The following ANK2 variants were observed in gnomAD, a reference collection of about 807,000 sequenced individuals.
ANK2 encodes ankyrin-2.
A neutral mutation model predicts 360.5 loss-of-function variants in ANK2; 83 were observed. That is an observed-to-expected ratio of 0.23 (90% CI 0.19 to 0.28). The LOEUF (loss-of-function observed/expected upper bound fraction) is 0.28, where lower values mean the gene tolerates loss of function less well. Among genes scored for constraint, ANK2 ranks in the 10% least tolerant of loss-of-function variants. ANK2 has a pLI of 1.00. For synonymous variants in ANK2, 1,740 were observed against 1,759.5 expected (o/e 0.99, Z 0.28); for missense variants, 4,201 against 4,795.7 (o/e 0.88, Z 3.66).
Position 113,162,093 on chromosome 4 carries a change from A to G in ANK2, c.85-12323A>G, listed in dbSNP as rs558623832. 2.0e-5 allele frequency among the ~76,000 whole-genome samples: 3 copies of G among 152,338 alleles called. No individual in the cohort carries two copies. The East Asian group carries it at 5.8e-4, about 29-fold the overall frequency. ...CAATTTTAGGGTATTCTGTTCCCCT[A>G]AATTATTGATCTTTATTGAAAGTGT... On this transcript the variant is annotated intron_variant, in intron 1 of 45. Coordinates refer to ENST00000357077, the MANE Select transcript of ANK2 (RefSeq NM_001148.6).
At chr4:112,946,944 A>C (rs540403488) in intron 2 of ANK2, among the ~76,000 whole-genome samples, 4 of 152,356 alleles carry the variant, frequency 2.6e-5, no homozygotes, top group African/African-American at 9.6e-5. Context: ...GAAGAATAAC[A>C]GCTTTTCTTA....
chr4:113,120,562 T>C (rs1245973953), intron 1 of ANK2, among the ~76,000 whole-genome samples: 1 of 152,124 alleles, frequency 6.6e-6, no homozygotes, highest in East Asian at 1.9e-4. Flanking sequence ...GTAAACAAAT[T>C]TATTCTTGAA....
upstream of ANK2, among the ~76,000 whole-genome samples, chr4:112,815,479 G>C (rs973406461): frequency 6.6e-6 from 1 of 152,158 alleles, no homozygotes; most frequent in Non-Finnish European, 1.5e-5. Context: ...ATAATGAGGA[G>C]AGATTAGCAT....
rs148505493 is a variant in ANK2, at chr4:113,202,643, A to G, written c.384+3534A>G. ...AATTAAGAAGATAACAAATTTTCTG[A>G]AAAAACCTTCAAGGAATATATTCAG... On this transcript the variant is annotated intron_variant, in intron 4 of 45. Transcript: ENST00000357077. 6.9e-3 allele frequency among the ~76,000 whole-genome samples: 1,048 copies of G among 152,368 alleles called. 7 individuals carry two copies. Among genetic ancestry groups the G allele is most frequent in the Admixed American group, 9.0e-3 (138 of 15,312 alleles).
chr4:113,204,773 C>T (rs945176713), intron 4 of ANK2, among the ~76,000 whole-genome samples: 2 of 152,128 alleles, frequency 1.3e-5, no homozygotes, highest in Non-Finnish European at 2.9e-5. Flanking sequence ...AAGTCCAAAA[C>T]CCTGCTTGCC....
intron 2 of ANK2, among the ~76,000 whole-genome samples, chr4:112,999,726 A>G (rs1376738673): frequency 6.6e-6 from 1 of 151,566 alleles, no homozygotes; most frequent in East Asian, 1.9e-4. Flanking sequence ...TTCCAATCAT[A>G]GAGGAAAGGT....
At chr4:113,236,605 G>C (rs950529742) in intron 5 of ANK2, among the ~76,000 whole-genome samples, 3 of 152,096 alleles carry the variant, frequency 2.0e-5, no homozygotes, top group African/African-American at 7.2e-5. Flanking sequence ...CCATATCTTT[G>C]ATTCCCAGTC....
At chr4:112,718,409 G>C in the ANK2 span, among the ~76,000 whole-genome samples, 1 of 152,230 alleles carries the variant, frequency 6.6e-6, no homozygotes, top group African/African-American at 2.4e-5. Flanking sequence ...CTGCCTCCCA[G>C]GTTCAAGCAA....
the ANK2 span, among the ~76,000 whole-genome samples, chr4:112,774,488 G>A: frequency 6.6e-6 from 1 of 152,084 alleles, no homozygotes; most frequent in Non-Finnish European, 1.5e-5. Flanking sequence ...ATCGCGCCAC[G>A]GCACCTCCAG....
the ANK2 span, among the ~76,000 whole-genome samples, chr4:112,727,594 C>T: frequency 1.7e-3 from 252 of 151,936 alleles, no homozygotes; most frequent in Middle Eastern, 3.4e-3. Flanking sequence ...AATCTACAAA[C>T]CTTTAGTGAG....
chr4:112,953,931 TTC>T (rs2095190697), intron 2 of ANK2, among the ~76,000 whole-genome samples: 1 of 152,110 alleles, frequency 6.6e-6, no homozygotes, highest in Non-Finnish European at 1.5e-5. Context: ...TATTTATTTC[TTC>T]TCTGTCTCCC....
At chr4:112,951,081 C>CA (rs1184265938) in intron 2 of ANK2, among the ~76,000 whole-genome samples, 16,991 of 55,364 alleles carry the variant, frequency 0.31, 2,643 homozygotes, top group East Asian at 0.43. Flanking sequence ...GCCTCCGTCT[C>CA]AAAAAAAAAA....
chr4:113,129,114 T>C (rs889203174), intron 1 of ANK2, among the ~76,000 whole-genome samples: 10 of 152,010 alleles, frequency 6.6e-5, no homozygotes, highest in African/African-American at 1.7e-4. Flanking sequence ...TAATAACTCA[T>C]AGAATAAAAG....
At chr4:113,054,058 T>C (rs1255263448) in intron 1 of ANK2, among the ~76,000 whole-genome samples, 3 of 152,194 alleles carry the variant, frequency 2.0e-5, no homozygotes, top group Non-Finnish European at 4.4e-5. Flanking sequence ...GAAATGGGAA[T>C]GCCCAAGCAT....
In ANK2 at chr4:113,239,732, T is replaced by C. The variant is rs530759318; in HGVS notation, c.694-753T>C. Among the ~76,000 whole-genome samples, 32 of 152,310 alleles carry C rather than the reference T, an allele frequency of 2.1e-4. 1 individual carries two copies. In the South Asian group the frequency reaches 6.6e-3, roughly 32 times the overall value. ...TAAACATTTTGAGAGTAAACAGTTC[T>C]GTAATGCCCATATAGTTGATTTAAC... is the stretch of plus-strand genomic sequence containing the variant. On this transcript the variant is annotated intron_variant, in intron 7 of 45. Coordinates refer to ENST00000357077, the MANE Select transcript of ANK2 (RefSeq NM_001148.6).
At chr4:112,730,841 G>A in the ANK2 span, among the ~76,000 whole-genome samples, 6 of 149,390 alleles carry the variant, frequency 4.0e-5, no homozygotes, top group Admixed American at 6.7e-5. Flanking sequence ...GTGAGACACT[G>A]TCTCTAAAAA....
chr4:113,228,893 T>C (rs937394827), intron 4 of ANK2, among the ~76,000 whole-genome samples: 3 of 152,170 alleles, frequency 2.0e-5, no homozygotes, highest in African/African-American at 7.2e-5. Context: ...GGGTAAATCA[T>C]GACAGGTCCA....
At chr4:113,312,663 C>A (rs2080715578) in intron 24 of ANK2, among the ~76,000 whole-genome samples, 2 of 152,108 alleles carry the variant, frequency 1.3e-5, no homozygotes, top group African/African-American at 2.4e-5. Flanking sequence ...TAATGAGTAA[C>A]AATGGTGAGG....
chr4:113,214,050 A>G lies in ANK2; in HGVS notation c.384+14941A>G, dbSNP rs567051785. ...AGTCTTTAAGAACTCAGCTCCTTACATGGGCTTTGGTGGGGGACGTGGGGC... is the reference window on the plus strand; with the variant it reads ...AGTCTTTAAGAACTCAGCTCCTTACGTGGGCTTTGGTGGGGGACGTGGGGC... On this transcript the variant is annotated intron_variant, in intron 4 of 45. Coordinates refer to ENST00000357077, the MANE Select transcript of ANK2 (RefSeq NM_001148.6). The G allele has an allele frequency of 3.3e-4, 223 of 675,982 alleles. 10 individuals carry two copies. In the African/African-American group the frequency reaches 3.6e-3, roughly 11 times the overall value. 41.9% of individuals were successfully genotyped at this position (675,982 alleles called of 1,614,324 possible).
Sources: allele counts gnomAD v4.1 joint callset (sites outside exome capture counted in the v4.1 genomes callset), GRCh38; gene constraint gnomAD v4.1.1; transcripts MANE v1.5; gene names NCBI Gene and HGNC (gene_info 2026-07-23, HGNC 2026-07-21).